Variants in CSMD1 observed in about 807,000 individuals in gnomAD.
CSMD1 encodes CUB and sushi domain-containing protein 1.
CSMD1 carries 213 observed loss-of-function variants against 417.5 expected under a neutral mutation model. The ratio of observed to expected loss-of-function variants is 0.51; its 90% CI spans 0.46 to 0.57. The LOEUF (loss-of-function observed/expected upper bound fraction) is 0.57, where lower values mean the gene tolerates loss of function less well. CSMD1 is among the 20% of genes least tolerant of loss of function. The pLI, the probability that CSMD1 is intolerant of heterozygous loss-of-function variation, is 0.00. For synonymous variants in CSMD1, 2,862 were observed against 1,736.8 expected (o/e 1.65, Z -16.11); for missense variants, 6,923 against 4,529.7 (o/e 1.53, Z -15.17).
At chr8:4,092,885 T>C (rs1405417740) in intron 3 of CSMD1, among the ~76,000 whole-genome samples, 2 of 152,226 alleles carry the variant, frequency 1.3e-5, no homozygotes, top group Non-Finnish European at 2.9e-5. Context: ...TAATTACTTC[T>C]GGACTTGCCA....
At chr8:3,772,206 AC>A (rs1798614958) in intron 5 of CSMD1, among the ~76,000 whole-genome samples, 1 of 145,596 alleles carries the variant, frequency 6.9e-6, no homozygotes, top group African/African-American at 2.5e-5. Flanking sequence ...ACACACACAC[AC>A]ACACACACAT....
At chr8:3,733,216 CT>C (rs1465573298) in intron 6 of CSMD1, among the ~76,000 whole-genome samples, 2 of 150,626 alleles carry the variant, frequency 1.3e-5, no homozygotes, top group Non-Finnish European at 3.0e-5. Flanking sequence ...CTCTCTCTCT[CT>C]CATACATACA....
At chr8:4,017,878 A>T (rs1370726552) in intron 4 of CSMD1, among the ~76,000 whole-genome samples, 4 of 152,146 alleles carry the variant, frequency 2.6e-5, no homozygotes, top group Non-Finnish European at 4.4e-5. Context: ...TTTTCAACTG[A>T]CCAAAGGACT....
chr8:3,596,055 G>C (rs75784542), intron 8 of CSMD1, among the ~76,000 whole-genome samples: 28,686 of 152,026 alleles, frequency 0.19, 3,394 homozygotes, highest in East Asian at 0.31. Context: ...TTCCACGTGG[G>C]CTTAGGAAGC....
At chr8:3,592,435 G>A (rs1374123787) in intron 8 of CSMD1, among the ~76,000 whole-genome samples, 2 of 152,050 alleles carry the variant, frequency 1.3e-5, no homozygotes, top group African/African-American at 4.8e-5. Context: ...TCAAGCAGCA[G>A]AAAACACAAA....
chr8:3,693,625 A>T (rs1342053973), intron 7 of CSMD1, among the ~76,000 whole-genome samples: 1 of 152,230 alleles, frequency 6.6e-6, no homozygotes, highest in Non-Finnish European at 1.5e-5. Context: ...GACAATAAAC[A>T]AAATAAATAA....
chr8:4,066,417 C>T (rs530999587), intron 3 of CSMD1, among the ~76,000 whole-genome samples: 5 of 152,248 alleles, frequency 3.3e-5, no homozygotes, highest in African/African-American at 9.6e-5. Flanking sequence ...TTACAGAACA[C>T]CACAGAGTGC....
At chr8:4,199,611 C>T (rs1007658881) in intron 3 of CSMD1, among the ~76,000 whole-genome samples, 1 of 152,148 alleles carries the variant, frequency 6.6e-6, no homozygotes, top group Admixed American at 6.5e-5. Flanking sequence ...CTCCTCAACG[C>T]CTTGCATTTT....
chr8:3,605,443 G>T (rs962576890), intron 8 of CSMD1, among the ~76,000 whole-genome samples: 2 of 152,074 alleles, frequency 1.3e-5, no homozygotes, highest in African/African-American at 4.8e-5. Context: ...AACCAATGCA[G>T]CAATACTATA....
chr8:3,626,604 T>C (rs985844400), intron 7 of CSMD1, among the ~76,000 whole-genome samples: 19 of 151,630 alleles, frequency 1.3e-4, no homozygotes, highest in Non-Finnish European at 1.5e-4. Context: ...CCATGAGATA[T>C]GATTTGAATG....
At chr8:4,340,584 C>G (rs1047470486) in intron 3 of CSMD1, among the ~76,000 whole-genome samples, 5 of 152,110 alleles carry the variant, frequency 3.3e-5, no homozygotes, top group African/African-American at 1.2e-4. Flanking sequence ...ACCCACCCTG[C>G]TGATTTCTTC....
chr8:4,065,174 A>G (rs1820437), intron 3 of CSMD1, among the ~76,000 whole-genome samples: 127,069 of 152,196 alleles, frequency 0.83, 53,101 homozygotes, highest in Admixed American at 0.88. Flanking sequence ...TACACAAAAC[A>G]CTTCTGATAC....
At chr8:3,540,177 G>C (rs1169131850) in intron 10 of CSMD1, among the ~76,000 whole-genome samples, 7 of 151,998 alleles carry the variant, frequency 4.6e-5, no homozygotes, top group East Asian at 1.9e-4. Flanking sequence ...TGACAGTTTA[G>C]TCTTGAAAAA....
rs545302047 is a variant in CSMD1, at chr8:4,348,718, T to A, written c.415+71235A>T. On this transcript the variant is annotated intron_variant, in intron 3 of 69. Coordinates refer to ENST00000635120, the MANE Select transcript of CSMD1 (RefSeq NM_033225.6). Reference sequence around the variant, plus strand: ...TAAGTGAATTTTATACCAGGAGAATTTGATCTTCGTCTTTAGGAAGACCGT... The same window carrying A: ...TAAGTGAATTTTATACCAGGAGAATATGATCTTCGTCTTTAGGAAGACCGT... Among the ~76,000 whole-genome samples the A allele has an allele frequency of 4.6e-5, 7 of 152,134 alleles. No individual in the cohort carries two copies. In the East Asian group the frequency reaches 1.4e-3, roughly 29 times the overall value.
intron 3 of CSMD1, among the ~76,000 whole-genome samples, chr8:4,142,594 C>A (rs766305879): frequency 4.6e-5 from 7 of 151,000 alleles, no homozygotes; most frequent in Admixed American, 2.0e-4. Context: ...ACGTTTTTTT[C>A]AATTGCTAGC....
intron 5 of CSMD1, among the ~76,000 whole-genome samples, chr8:3,789,349 T>G (rs569193208): frequency 6.6e-6 from 1 of 151,926 alleles, no homozygotes; most frequent in South Asian, 2.1e-4. Context: ...TAATGTAACT[T>G]GTGTCTGCTT....
At chr8:3,814,647 C>A (rs1039527547) in intron 5 of CSMD1, among the ~76,000 whole-genome samples, 1 of 152,180 alleles carries the variant, frequency 6.6e-6, no homozygotes, top group Non-Finnish European at 1.5e-5. Flanking sequence ...AAAGAGCTAT[C>A]CAACCTCAAA....
chr8:3,027,843 T>C (rs1024302466), intron 51 of CSMD1, among the ~76,000 whole-genome samples: 1 of 152,248 alleles, frequency 6.6e-6, no homozygotes, highest in African/African-American at 2.4e-5. Context: ...GCTCTACCTT[T>C]GCTTTCTTTC....
chr8:4,387,917 A>G (rs1184883948), intron 3 of CSMD1, among the ~76,000 whole-genome samples: 1 of 152,160 alleles, frequency 6.6e-6, no homozygotes, highest in South Asian at 2.1e-4. Context: ...AGAAAAAAAT[A>G]TGACTATCGA....
Sources: allele counts gnomAD v4.1 joint callset (sites outside exome capture counted in the v4.1 genomes callset), GRCh38; gene constraint gnomAD v4.1.1; transcripts MANE v1.5; gene names NCBI Gene and HGNC (gene_info 2026-07-23, HGNC 2026-07-21).